STK24: variants seen among roughly 807,000 people sequenced by gnomAD.
STK24 encodes the protein serine/threonine-protein kinase 24.
In STK24, 21 loss-of-function variants were observed where a neutral mutation model predicts 55.6. That is an observed-to-expected ratio of 0.38 (90% CI 0.27 to 0.54). The LOEUF (loss-of-function observed/expected upper bound fraction) is 0.54. Among genes scored for constraint, STK24 ranks in the 20% least tolerant of loss-of-function variants. The probability of loss-of-function intolerance (pLI) is 0.79; values close to 1 mark genes in which losing one functional copy is unlikely to be tolerated. For synonymous variants in STK24, 200 were observed against 215.2 expected, an observed-to-expected ratio of 0.93 and a Z score of 0.62; for missense variants, 383 against 538.4, an observed-to-expected ratio of 0.71 and a Z score of 2.86.
intron 2 of STK24, among the ~76,000 whole-genome samples, chr13:98,500,326 G>C (rs1342211770): frequency 6.6e-6 from 1 of 152,152 alleles, no homozygotes; most frequent in African/African-American, 2.4e-5. Context: ...GTTTCCTAAG[G>C]CCTCATCTTC....
intron 1 of STK24, among the ~76,000 whole-genome samples, chr13:98,542,398 C>G (rs4772097): frequency 6.6e-6 from 1 of 150,616 alleles, no homozygotes; most frequent in Non-Finnish European, 1.5e-5. Context: ...ACAACAACAA[C>G]AAAAAAAACG....
At chr13:98,476,583 G>T (rs1457740494) in intron 3 of STK24, among the ~76,000 whole-genome samples, 1 of 152,260 alleles carries the variant, frequency 6.6e-6, no homozygotes, top group Admixed American at 6.5e-5. Context: ...ACTCAGGCGT[G>T]CACATCTCTG....
chr13:98,514,032 T>C (rs903984614), intron 2 of STK24, among the ~76,000 whole-genome samples: 5 of 152,264 alleles, frequency 3.3e-5, no homozygotes, highest in African/African-American at 1.2e-4. Context: ...TTCATCATCA[T>C]GTAGCTAGAC....
chr13:98,553,977 G>A (rs772467347), intron 1 of STK24, among the ~76,000 whole-genome samples: 5 of 151,578 alleles, frequency 3.3e-5, no homozygotes, highest in Admixed American at 6.6e-5. Context: ...CAGGAGAACT[G>A]CTTGAACCCA....
chr13:98,480,540 CT>C (rs1894543103), intron 3 of STK24, among the ~76,000 whole-genome samples: 1 of 152,076 alleles, frequency 6.6e-6, no homozygotes, highest in African/African-American at 2.4e-5. Flanking sequence ...CTGTTTTTCC[CT>C]TTTTAATATA....
At chr13:98,463,576 G>A (rs1893800749) in intron 7 of STK24, 115 bp downstream of exon 7, 1 of 1,203,860 alleles carries the variant, frequency 8.3e-7, no homozygotes, top group African/African-American at 2.0e-5. Flanking sequence ...CCACCAACCT[G>A]GATTGTCTAA....
intron 1 of STK24, among the ~76,000 whole-genome samples, chr13:98,531,887 TG>T (rs1896589088): frequency 6.6e-6 from 1 of 152,114 alleles, no homozygotes; most frequent in South Asian, 2.1e-4. Flanking sequence ...AAGACGCTCG[TG>T]GGAACTATTT....
chr13:98,565,913 C>G (rs796704195), intron 1 of STK24, among the ~76,000 whole-genome samples: 1 of 152,256 alleles, frequency 6.6e-6, no homozygotes, highest in Non-Finnish European at 1.5e-5. Context: ...GTTTCCCGAT[C>G]AGGAGGAGTG....
chr13:98,482,315 T>C lies in STK24; in HGVS notation c.280A>G (p.Lys94Glu), dbSNP rs1894621041. 1 of 1,561,930 alleles carries C rather than the reference T, an allele frequency of 6.4e-7. No individual in the cohort carries two copies. The highest frequency in any genetic ancestry group is 8.7e-7 in the Non-Finnish European group (1 of 1,143,756). Residue 94 changes from lysine (K) to glutamate (E), a missense_variant, in exon 3 of 11, where the codon AAA (lysine) becomes GAA (glutamate). Coordinates refer to ENST00000539966, the MANE Select transcript of STK24 (RefSeq NM_001032296.4). The part of the protein sequence containing the change: ...KYYGSYLKDT[K>E]LWIIMEYLGG... ...AGATATTCCATTATTATCCATAATT[T>C]TGTATCCTATAAAACAAAAAAAAGA... is the stretch of plus-strand genomic sequence containing the variant.
At chr13:98,494,834 C>T (rs1298023633) in intron 2 of STK24, among the ~76,000 whole-genome samples, 1 of 152,194 alleles carries the variant, frequency 6.6e-6, no homozygotes, top group Non-Finnish European at 1.5e-5. Context: ...CAAGGGCACC[C>T]GCACTGAGGC....
chr13:98,570,407 C>G (rs1482756406), intron 1 of STK24, among the ~76,000 whole-genome samples: 2 of 152,162 alleles, frequency 1.3e-5, no homozygotes, highest in Non-Finnish European at 2.9e-5. Flanking sequence ...ACAGTTCTTT[C>G]AAACCTTACG....
chr13:98,470,920 A>G (rs1028007523), intron 5 of STK24, among the ~76,000 whole-genome samples: 10 of 152,252 alleles, frequency 6.6e-5, no homozygotes, highest in Admixed American at 1.3e-4. Flanking sequence ...CTCATTTGAT[A>G]TAAGCTTATT....
chr13:98,535,361 CAAAAAAA>C lies in STK24; in HGVS notation c.43-15895_43-15889del, dbSNP rs34537903. Among the ~76,000 whole-genome samples, 87 of 64,122 alleles carry C rather than the reference CAAAAAAA, an allele frequency of 1.4e-3. 2 individuals are homozygous for C. The highest frequency in any genetic ancestry group is 6.8e-3 in the East Asian group (15 of 2,202). The allele number at this position is 64,122 out of a possible 152,430, so 42.1% of individuals were successfully genotyped here. ...TCAAACAAACAAACAAACAAACAAACAAAAAAAAAATATATATATATATATATATGTG... is the reference window on the plus strand; with the variant it reads ...TCAAACAAACAAACAAACAAACAAACAAATATATATATATATATATATGTG... On this transcript the variant is annotated intron_variant, in intron 1 of 10. Coordinates refer to ENST00000539966, the MANE Select transcript of STK24 (RefSeq NM_001032296.4).
intron 1 of STK24, among the ~76,000 whole-genome samples, chr13:98,569,891 T>C (rs1218889516): frequency 6.7e-6 from 1 of 149,876 alleles, no homozygotes; most frequent in Non-Finnish European, 1.5e-5. Context: ...TTTTTTTTTT[T>C]TTTGAGATGG....
At chr13:98,527,625 G>A (rs559238970) in intron 1 of STK24, among the ~76,000 whole-genome samples, 2 of 152,240 alleles carry the variant, frequency 1.3e-5, no homozygotes, top group East Asian at 1.9e-4. Context: ...GTGCCCCTGT[G>A]CCTTGAACGA....
Position 98,474,903 on chromosome 13 carries a change from G to C in STK24, c.515C>G (p.Thr172Ser). Reference sequence around the variant, plus strand: ...CACGAAGGTGTTCCTTTTGATCTGGGTGTCTGTCAGCTGGCCAGCCACGCC... The same window carrying C: ...CACGAAGGTGTTCCTTTTGATCTGGCTGTCTGTCAGCTGGCCAGCCACGCC... The part of the protein sequence containing the change: ...DFGVAGQLTD[T>S]QIKRNTFVGT... Residue 172 changes from threonine (T) to serine (S), a missense_variant, in exon 5 of 11, where the codon ACC (threonine) becomes AGC (serine). By Grantham distance (58) the Thr-to-Ser change is moderately conservative. Transcript: ENST00000539966. The C allele has an allele frequency of 6.2e-7, 1 of 1,614,110 alleles. No homozygotes were observed. Among genetic ancestry groups the C allele is most frequent in the Non-Finnish European group, 8.5e-7 (1 of 1,180,026 alleles).
chr13:98,496,241 GA>G (rs959818222), intron 2 of STK24, among the ~76,000 whole-genome samples: 2 of 152,314 alleles, frequency 1.3e-5, no homozygotes, highest in African/African-American at 4.8e-5. Flanking sequence ...CTCATGTTTG[GA>G]ATAAACAAGT....
intron 1 of STK24, among the ~76,000 whole-genome samples, chr13:98,565,914 AG>A (rs1305858111): frequency 6.6e-6 from 1 of 152,254 alleles, no homozygotes; most frequent in Non-Finnish European, 1.5e-5. Flanking sequence ...TTTCCCGATC[AG>A]GAGGAGTGCA....
Position 98,543,671 on chromosome 13 carries a change from C to T in STK24, c.43-24198G>A, listed in dbSNP as rs554479843. ...CTGGGGCCCGGAAGCCCTCTACTCC[C>T]AAGTGGCCCCCAAGGATGGTGCTGA... On this transcript the variant is annotated intron_variant, in intron 1 of 10. Coordinates refer to ENST00000539966, the MANE Select transcript of STK24 (RefSeq NM_001032296.4). 6.4e-4 allele frequency among the ~76,000 whole-genome samples: 97 copies of T among 152,286 alleles called. 3 individuals are homozygous for T. In the South Asian group the frequency reaches 0.019, roughly 31 times the overall value.
Sources: allele counts gnomAD v4.1 joint callset (sites outside exome capture counted in the v4.1 genomes callset), GRCh38; gene constraint gnomAD v4.1.1; transcripts MANE v1.5; gene names NCBI Gene and HGNC (gene_info 2026-07-23, HGNC 2026-07-21).